Variants in ACYP2 observed in about 807,000 individuals in gnomAD.
ACYP2 encodes acylphosphatase 2.
In ACYP2, 12 loss-of-function variants were observed where a neutral mutation model predicts 11.2. The ratio of observed to expected loss-of-function variants is 1.08; its 90% CI spans 0.69 to 1.74. ACYP2 has a LOEUF of 1.74. Ranked by LOEUF, ACYP2 falls within the 40% of genes most tolerant of loss-of-function variation. The pLI, the probability that ACYP2 is intolerant of heterozygous loss-of-function variation, is 0.00. For missense variants in ACYP2, 134 were observed against 101.9 expected (o/e 1.31, Z -1.35); for synonymous variants, 43 against 32.2 (o/e 1.33, Z -1.13).
At chr2:54,093,834 G>A (rs1464927898) in intron 4 of ACYP2, among the ~76,000 whole-genome samples, 4 of 152,152 alleles carry the variant, frequency 2.6e-5, no homozygotes, top group Admixed American at 6.5e-5. Flanking sequence ...CAGCTACTCC[G>A]GAGGCTGAGG....
At chr2:54,132,191 T>C (rs923311814) in intron 4 of ACYP2, among the ~76,000 whole-genome samples, 1 of 152,192 alleles carries the variant, frequency 6.6e-6, no homozygotes, top group Admixed American at 6.5e-5. Context: ...CACTTTTGCC[T>C]GCACAGTGCA....
intron 2 of ACYP2, among the ~76,000 whole-genome samples, chr2:54,040,869 G>C (rs1349935799): frequency 2.0e-5 from 3 of 152,108 alleles, no homozygotes; most frequent in Non-Finnish European, 4.4e-5. Flanking sequence ...GAAAGAAATG[G>C]AGGTAGTAGC....
chr2:54,171,299 T>G (rs1683211437), intron 6 of ACYP2, among the ~76,000 whole-genome samples: 2 of 152,092 alleles, frequency 1.3e-5, no homozygotes, highest in Non-Finnish European at 2.9e-5. Context: ...AGAAATACAG[T>G]CCACAGCTTT....
chr2:54,212,299 G>A (rs780920925), intron 6 of ACYP2, among the ~76,000 whole-genome samples: 7 of 152,102 alleles, frequency 4.6e-5, no homozygotes, highest in African/African-American at 1.2e-4. Context: ...TCAAGTGGAT[G>A]GATTGCCTTT....
chr2:54,135,074 C>T (rs1473433774), intron 4 of ACYP2, among the ~76,000 whole-genome samples: 4 of 152,288 alleles, frequency 2.6e-5, no homozygotes, highest in Admixed American at 2.0e-4. Context: ...TCACTACTCT[C>T]GTGCTTCGGG....
At chr2:54,110,049 T>G (rs766952468) in intron 4 of ACYP2, among the ~76,000 whole-genome samples, 3 of 152,210 alleles carry the variant, frequency 2.0e-5, no homozygotes, top group Non-Finnish European at 4.4e-5. Context: ...CTGATGACCT[T>G]GACAGTTTTG....
chr2:54,139,618 A>T (rs1681485645), intron 6 of ACYP2, among the ~76,000 whole-genome samples: 1 of 152,244 alleles, frequency 6.6e-6, no homozygotes. Context: ...CAATCTTCAC[A>T]ACAGATCTTA....
chr2:54,058,012 T>C (rs11896815), intron 4 of ACYP2, among the ~76,000 whole-genome samples: 37,441 of 152,150 alleles, frequency 0.25, 5,254 homozygotes, highest in South Asian at 0.46. Flanking sequence ...ACATAGAAAA[T>C]AGGAGAAAAT....
chr2:54,243,535 C>T (rs1686821066), intron 6 of ACYP2, among the ~76,000 whole-genome samples: 1 of 152,028 alleles, frequency 6.6e-6, no homozygotes, highest in South Asian at 2.1e-4. Flanking sequence ...CGCTCTGTCG[C>T]CCAGGCTGGA....
At chr2:54,139,691 T>C (rs549072532) in intron 6 of ACYP2, among the ~76,000 whole-genome samples, 1 of 152,228 alleles carries the variant, frequency 6.6e-6, no homozygotes, top group African/African-American at 2.4e-5. Context: ...TTGTTTTCAT[T>C]ACTTAATATT....
intron 6 of ACYP2, among the ~76,000 whole-genome samples, chr2:54,229,700 A>G (rs908938330): frequency 6.6e-6 from 1 of 152,166 alleles, no homozygotes; most frequent in Non-Finnish European, 1.5e-5. Context: ...AGCACCAAAG[A>G]CTAGTTTTTC....
intron 4 of ACYP2, among the ~76,000 whole-genome samples, chr2:54,105,252 C>A (rs965783652): frequency 2.0e-5 from 3 of 152,062 alleles, no homozygotes; most frequent in Non-Finnish European, 2.9e-5. Context: ...GTATTTAATG[C>A]CACCATCTCA....
intron 3 of ACYP2, among the ~76,000 whole-genome samples, chr2:54,055,429 GATA>G (rs977628966): frequency 4.6e-5 from 7 of 152,124 alleles, no homozygotes; most frequent in African/African-American, 1.7e-4. Context: ...TAATAATTGT[GATA>G]ATAATGTAAA....
intron 6 of ACYP2, among the ~76,000 whole-genome samples, chr2:54,279,659 C>T (rs1257381949): frequency 1.3e-5 from 2 of 152,088 alleles, no homozygotes; most frequent in Non-Finnish European, 2.9e-5. Context: ...CCCTACCCTA[C>T]CTTGTCAGCC....
intron 4 of ACYP2, among the ~76,000 whole-genome samples, chr2:54,133,956 A>G (rs1681075788): frequency 1.3e-5 from 2 of 152,204 alleles, no homozygotes; most frequent in Non-Finnish European, 2.9e-5. Context: ...TGGGTAAGCA[A>G]AGTATAGGAT....
chr2:54,004,373 T>C (rs1672947925), intron 2 of ACYP2, among the ~76,000 whole-genome samples: 1 of 151,840 alleles, frequency 6.6e-6, no homozygotes, highest in South Asian at 2.1e-4. Context: ...GTGTATCTTC[T>C]TTGGTGAGGT....
rs1684573734 is a variant in ACYP2, at chr2:54,197,945, TTG to T, written c.404+59199_404+59200del. On this transcript the variant is annotated intron_variant, in intron 6 of 6. Transcript: ENST00000607452. Reference sequence around the variant, plus strand: ...TTATTTTATTTATGTATGTATTATATTGTATTGTATTGTATTGTATTGTATTG... The same window carrying T: ...TTATTTTATTTATGTATGTATTATATTATTGTATTGTATTGTATTGTATTG... Among the ~76,000 whole-genome samples, 2 of 15,602 alleles carry T rather than the reference TTG, an allele frequency of 1.3e-4. 1 individual carries two copies. Among genetic ancestry groups the T allele is most frequent in the African/African-American group, 6.5e-4 (2 of 3,070 alleles). The allele number at this position is 15,602 out of a possible 152,430, so 10.2% of individuals were successfully genotyped here.
At chr2:54,068,855 T>A (rs1450880635) in intron 4 of ACYP2, among the ~76,000 whole-genome samples, 1 of 152,068 alleles carries the variant, frequency 6.6e-6, no homozygotes, top group Non-Finnish European at 1.5e-5. Context: ...CAATTTTAGG[T>A]GGTATAATGA....
At chr2:54,138,420 T>C (rs113587424) in intron 5 of ACYP2, among the ~76,000 whole-genome samples, 97 of 152,352 alleles carry the variant, frequency 6.4e-4, no homozygotes, top group African/African-American at 2.1e-3. Context: ...GTTTTTATGA[T>C]AGTGGAATTG....
Sources: gnomAD v4.1 joint callset for allele counts (sites outside exome capture counted in the v4.1 genomes callset) on GRCh38, gnomAD v4.1.1 for gene constraint, MANE v1.5 for transcripts, NCBI Gene and HGNC (gene_info 2026-07-23, HGNC 2026-07-21) for gene names.